Variants in BRD10 observed in about 807,000 individuals in gnomAD.
The protein encoded by BRD10 is bromodomain containing 10, also known as uncharacterized bromodomain-containing protein 10.
At chr9:5,917,866 G>C in the BRD10 span, among the ~76,000 whole-genome samples, 1 of 152,130 alleles carries the variant, frequency 6.6e-6, no homozygotes, top group African/African-American at 2.4e-5. Flanking sequence ...AAAAGAGAGA[G>C]ATTTAGTGGT....
chr9:5,916,874 T>C, the BRD10 span, among the ~76,000 whole-genome samples: 13 of 152,258 alleles, frequency 8.5e-5, no homozygotes, highest in South Asian at 2.1e-4. Context: ...GAACCCTTAA[T>C]AACACTAAAC....
the BRD10 span, among the ~76,000 whole-genome samples, chr9:5,941,586 T>C: frequency 6.6e-6 from 1 of 152,116 alleles, no homozygotes; most frequent in Non-Finnish European, 1.5e-5. Context: ...GCGTATAAAT[T>C]TCAGAAAATT....
chr9:5,929,910 C>T, the BRD10 span, among the ~76,000 whole-genome samples: 3 of 152,258 alleles, frequency 2.0e-5, no homozygotes, highest in Non-Finnish European at 4.4e-5. Context: ...CTGCCTGATT[C>T]TGAAGTCCAA....
At chr9:5,945,067 C>G in the BRD10 span, 1 of 479,046 alleles carries the variant, frequency 2.1e-6, no homozygotes, top group Non-Finnish European at 3.7e-6. Flanking sequence ...TTATTTTTCT[C>G]TGTAATAGTA....
the BRD10 span, chr9:5,920,031 T>C: frequency 1.2e-6 from 2 of 1,613,864 alleles, no homozygotes; most frequent in Non-Finnish European, 1.7e-6. Context: ...ACCTTAGCAG[T>C]TGTGTTTATG....
At chr9:5,975,006 A>G in the BRD10 span, among the ~76,000 whole-genome samples, 2 of 152,188 alleles carry the variant, frequency 1.3e-5, no homozygotes, top group Non-Finnish European at 2.9e-5. Flanking sequence ...ATCCAAAAAT[A>G]TCCAGCGCTC....
chr9:5,968,164 TTTTTTC>T, the BRD10 span: 1 of 1,603,240 alleles, frequency 6.2e-7, no homozygotes, highest in Non-Finnish European at 8.5e-7. Flanking sequence ...TCAATTTCTT[TTTTTTC>T]TTTTTCTTCT....
the BRD10 span, among the ~76,000 whole-genome samples, chr9:5,993,997 A>G: frequency 6.6e-6 from 1 of 152,086 alleles, no homozygotes; most frequent in African/African-American, 2.4e-5. Context: ...GCTTCTGTCT[A>G]CATTTATGTA....
the BRD10 span, among the ~76,000 whole-genome samples, chr9:5,947,006 C>G: frequency 6.6e-6 from 1 of 152,048 alleles, no homozygotes; most frequent in Non-Finnish European, 1.5e-5. Context: ...TACAACTAAA[C>G]ATGCCCTAAA....
chr9:5,905,228 A>G, the BRD10 span, among the ~76,000 whole-genome samples: 3 of 152,308 alleles, frequency 2.0e-5, no homozygotes, highest in East Asian at 5.8e-4. Context: ...GTAAACTAAA[A>G]ACAAAATCCT....
At chr9:5,988,639 A>C in the BRD10 span, 3 of 862,150 alleles carry the variant, frequency 3.5e-6, no homozygotes, top group Non-Finnish European at 5.5e-6. Flanking sequence ...TTTGCTAAAT[A>C]CATAAAAGTA....
chr9:5,884,423 A>G, the BRD10 span, among the ~76,000 whole-genome samples: 1 of 152,148 alleles, frequency 6.6e-6, no homozygotes, highest in Non-Finnish European at 1.5e-5. Flanking sequence ...TTGGAGCTCC[A>G]GCCATATGGA....
the BRD10 span, among the ~76,000 whole-genome samples, chr9:5,880,618 G>C: frequency 4.6e-5 from 7 of 152,174 alleles, no homozygotes; most frequent in South Asian, 1.2e-3. Flanking sequence ...TGGTCAGGAA[G>C]AAATTAGAAA....
chr9:5,966,486 GT>G, the BRD10 span, among the ~76,000 whole-genome samples: 5 of 99,204 alleles, frequency 5.0e-5, no homozygotes, highest in African/African-American at 2.0e-4. Flanking sequence ...TTGAGACAGA[GT>G]CTTGCTCTGT....
chr9:5,991,945 A>G, the BRD10 span, among the ~76,000 whole-genome samples: 1 of 152,072 alleles, frequency 6.6e-6, no homozygotes, highest in South Asian at 2.1e-4. Flanking sequence ...ATACCAACAC[A>G]ACTGTTTCCA....
the BRD10 span, chr9:5,908,923 T>C: frequency 2.6e-5 from 14 of 546,462 alleles, no homozygotes; most frequent in Non-Finnish European, 4.5e-5. Context: ...ACTCCATCAA[T>C]AAATGTTGCA....
the BRD10 span, among the ~76,000 whole-genome samples, chr9:5,980,711 A>T: frequency 6.6e-6 from 1 of 152,224 alleles, no homozygotes; most frequent in African/African-American, 2.4e-5. Flanking sequence ...AATTTTAAAA[A>T]ATCTACTTTT....
chr9:5,977,037 T>C, the BRD10 span, among the ~76,000 whole-genome samples: 8 of 152,362 alleles, frequency 5.3e-5, no homozygotes, highest in East Asian at 1.2e-3. Context: ...ATTATTTACC[T>C]GCTGCGAATA....
the BRD10 span, chr9:5,944,885 T>G: frequency 6.5e-7 from 1 of 1,529,414 alleles, no homozygotes; most frequent in Non-Finnish European, 8.8e-7. Context: ...TTTTTTCTAC[T>G]GTTTTCCAGA....
Sources: allele counts gnomAD v4.1 joint callset (sites outside exome capture counted in the v4.1 genomes callset), GRCh38; gene constraint gnomAD v4.1.1; transcripts MANE v1.5; gene names NCBI Gene and HGNC (gene_info 2026-07-23, HGNC 2026-07-21).